NRXN3: variants seen among roughly 807,000 people sequenced by gnomAD.
The protein encoded by NRXN3 is neurexin III.
In NRXN3, 32 loss-of-function variants were observed where a neutral mutation model predicts 137.6. That is an observed-to-expected ratio of 0.23 (90% CI 0.18 to 0.31). The LOEUF (loss-of-function observed/expected upper bound fraction) is 0.31. Among genes scored for constraint, NRXN3 ranks in the 10% least tolerant of loss-of-function variants. The pLI, the probability that NRXN3 is intolerant of heterozygous loss-of-function variation, is 1.00. For synonymous variants in NRXN3, 798 were observed against 784.5 expected, an observed-to-expected ratio of 1.02 and a Z score of -0.29; for missense variants, 1,574 against 2,062.5, an observed-to-expected ratio of 0.76 and a Z score of 4.59.
At chr14:78,626,137 A>T (rs565026587) in intron 4 of NRXN3, among the ~76,000 whole-genome samples, 13 of 152,292 alleles carry the variant, frequency 8.5e-5, no homozygotes, top group African/African-American at 3.1e-4. Flanking sequence ...TGCAGCATCC[A>T]ATCTGGGGAA....
rs185686539 is a variant in NRXN3 at position 78,462,421 on chromosome 14, A to G, written c.757+164561A>G. Among the ~76,000 whole-genome samples, 163 of 152,194 alleles carry G rather than the reference A, an allele frequency of 1.1e-3. 2 individuals are homozygous for G. Among genetic ancestry groups the G allele is most frequent in the Non-Finnish European group, 1.9e-3 (131 of 67,998 alleles). On this transcript the variant is annotated intron_variant, in intron 4 of 20. Transcript: ENST00000335750. ...AGGGGGGTGCTCATCCATTTTTTAA[A>G]TTCAAGACATTCAAGTTCAACGTAT...
chr14:78,970,639 A>G (rs530190878), intron 14 of NRXN3, among the ~76,000 whole-genome samples: 4 of 152,332 alleles, frequency 2.6e-5, no homozygotes, highest in Non-Finnish European at 5.9e-5. Context: ...AGGGAGAATG[A>G]CCTCACTTAA....
intron 4 of NRXN3, among the ~76,000 whole-genome samples, chr14:78,468,390 A>C (rs2095176614): frequency 6.6e-6 from 1 of 152,108 alleles, no homozygotes; most frequent in Non-Finnish European, 1.5e-5. Flanking sequence ...GAGCTTCCTC[A>C]CATCTTTGAA....
intron 4 of NRXN3, among the ~76,000 whole-genome samples, chr14:78,627,982 T>A (rs1344593102): frequency 1.3e-5 from 2 of 151,906 alleles, no homozygotes. Context: ...CATGATGGAG[T>A]GCTGCAGAGC....
chr14:78,967,037 T>C (rs1036659052), intron 12 of NRXN3, among the ~76,000 whole-genome samples, 171 bp from the exon 13 acceptor site: 1 of 152,204 alleles, frequency 6.6e-6, no homozygotes, highest in Non-Finnish European at 1.5e-5. Flanking sequence ...TGAAGCATGA[T>C]AGAATAAAAT....
intron 11 of NRXN3, 75 bp downstream of exon 11, chr14:78,957,436 T>C: frequency 2.0e-6 from 3 of 1,515,914 alleles, no homozygotes; most frequent in Non-Finnish European, 1.8e-6. Context: ...AAACAGTGTT[T>C]TGCAAAACCT....
At chr14:79,791,151 T>G (rs976998897) in intron 19 of NRXN3, 3 of 152,122 alleles carry the variant, frequency 2.0e-5, no homozygotes, top group African/African-American at 7.2e-5. Context: ...ACGGTGGAGC[T>G]TTCCTCATCA....
intron 15 of NRXN3, among the ~76,000 whole-genome samples, chr14:79,297,992 A>G (rs2084481273): frequency 6.6e-6 from 1 of 152,060 alleles, no homozygotes; most frequent in South Asian, 2.1e-4. Context: ...TTCTTTATAA[A>G]TTCAATTACA....
At chr14:78,934,472 A>G (rs2099330073) in intron 10 of NRXN3, among the ~76,000 whole-genome samples, 2 of 152,172 alleles carry the variant, frequency 1.3e-5, no homozygotes, top group African/African-American at 4.8e-5. Flanking sequence ...CTATGGGCCC[A>G]GCAAGAGTGC....
At chr14:78,954,292 C>G (rs897438776) in intron 10 of NRXN3, among the ~76,000 whole-genome samples, 1 of 152,170 alleles carries the variant, frequency 6.6e-6, no homozygotes, top group Admixed American at 6.5e-5. Flanking sequence ...AAGGGTTTTA[C>G]AAAATCCCAC....
intron 15 of NRXN3, among the ~76,000 whole-genome samples, chr14:79,415,107 T>A (rs1455384261): frequency 1.3e-5 from 2 of 152,282 alleles, no homozygotes; most frequent in East Asian, 3.9e-4. Flanking sequence ...CATATCTCTC[T>A]CACACATTTT....
At chr14:78,749,374 A>T (rs775004143) in intron 8 of NRXN3, among the ~76,000 whole-genome samples, 2 of 152,154 alleles carry the variant, frequency 1.3e-5, no homozygotes, top group African/African-American at 2.4e-5. Flanking sequence ...TTTTATGCTC[A>T]TTTCACCTTC....
At position 78,968,215 on chromosome 14, in the gene NRXN3, A is replaced by G; in HGVS notation, c.3011A>G (p.Asn1004Ser). 6.2e-7 allele frequency: 1 copy of G among 1,613,606 alleles called. No homozygotes were observed. The highest frequency in any genetic ancestry group is 8.5e-7 in the Non-Finnish European group (1 of 1,179,840). The change falls in exon 14 of 21, where the codon AAC becomes AGC. Residue 1004 changes from asparagine to serine, a missense_variant. Physicochemically the swap from Asn to Ser is conservative, Grantham distance 46 (BLOSUM62 1). This residue lies in a region of NRXN3 where 718 missense variants were observed against 887.6 expected (regional missense o/e 0.81). Transcript: ENST00000335750. ...MAGLAQGMYSNLPKLVASRDG... is the reference protein window; with the variant it reads ...MAGLAQGMYSSLPKLVASRDG... Reference sequence around the variant, plus strand: ...GGTCTGGCCCAAGGCATGTACAGCAACCTCCCAAAGCTCGTGGCCTCTCGA... The same window carrying G: ...GGTCTGGCCCAAGGCATGTACAGCAGCCTCCCAAAGCTCGTGGCCTCTCGA...
chr14:78,958,169 T>G (rs539918872), intron 11 of NRXN3, among the ~76,000 whole-genome samples: 1 of 152,200 alleles, frequency 6.6e-6, no homozygotes, highest in East Asian at 1.9e-4. Context: ...ATTCTAATTT[T>G]GATGGGTGAG....
intron 16 of NRXN3, among the ~76,000 whole-genome samples, chr14:79,493,719 T>C (rs1356967839): frequency 2.0e-5 from 3 of 152,236 alleles, no homozygotes; most frequent in Non-Finnish European, 4.4e-5. Flanking sequence ...GAAGGCAGTT[T>C]GGGAATGTCA....
chr14:78,474,856 C>A (rs985307502), intron 4 of NRXN3, among the ~76,000 whole-genome samples: 1 of 152,204 alleles, frequency 6.6e-6, no homozygotes, highest in Non-Finnish European at 1.5e-5. Context: ...TTGCATCCTG[C>A]ATACATTTTA....
chr14:79,287,063 G>T (rs2082387213), intron 15 of NRXN3, among the ~76,000 whole-genome samples: 1 of 152,084 alleles, frequency 6.6e-6, no homozygotes, highest in South Asian at 2.1e-4. Context: ...CTTCAATGTT[G>T]ATCATTTGCT....
intron 6 of NRXN3, among the ~76,000 whole-genome samples, chr14:78,658,591 T>C (rs1257449658): frequency 6.6e-6 from 1 of 152,240 alleles, no homozygotes; most frequent in East Asian, 1.9e-4. Flanking sequence ...TCAGTTCTAA[T>C]GTTAATTAGA....
chr14:78,274,401 C>T (rs1224374067), intron 2 of NRXN3, among the ~76,000 whole-genome samples: 1 of 152,148 alleles, frequency 6.6e-6, no homozygotes, highest in Non-Finnish European at 1.5e-5. Context: ...CCTTATAAAA[C>T]CATCAGATCT....
Sources: gnomAD v4.1 joint callset for allele counts (sites outside exome capture counted in the v4.1 genomes callset) on GRCh38, gnomAD v4.1.1 for gene constraint, gnomAD v4.1.1 regional missense constraint, MANE v1.5 for transcripts, NCBI Gene and HGNC (gene_info 2026-07-23, HGNC 2026-07-21) for gene names.